Variants in ACVR1 observed in about 807,000 individuals in gnomAD.
The protein encoded by ACVR1 is activin A receptor type 1.
A neutral mutation model predicts 57.1 loss-of-function variants in ACVR1; 38 were observed. That is an observed-to-expected ratio of 0.67 (90% CI 0.51 to 0.87). ACVR1 has a LOEUF of 0.87. ACVR1 is among the 40% of genes least tolerant of loss of function. The pLI is 0.00. For missense variants in ACVR1, 463 were observed against 638.2 expected (o/e 0.73, Z 2.96); for synonymous variants, 212 against 228.1 (o/e 0.93, Z 0.63).
chr2:157,865,041 G>A (rs1374782353), intron 1 of ACVR1, among the ~76,000 whole-genome samples: 2 of 142,520 alleles, frequency 1.4e-5, no homozygotes, highest in Non-Finnish European at 3.0e-5. Flanking sequence ...TCAAAGTAAA[G>A]CTGTGCTTAG....
chr2:157,774,292 G>A (rs533382209), intron 5 of ACVR1, 105 bp from the exon 6 acceptor site: 178 of 844,164 alleles, frequency 2.1e-4, no homozygotes, highest in Non-Finnish European at 3.0e-4. Flanking sequence ...GCAGCAATCC[G>A]GGACACGTGG....
chr2:157,802,753 A>G (rs1687373085), intron 2 of ACVR1, among the ~76,000 whole-genome samples: 1 of 152,132 alleles, frequency 6.6e-6, no homozygotes, highest in African/African-American at 2.4e-5. Flanking sequence ...AAATCATCCT[A>G]ATTAATAATT....
intron 1 of ACVR1, chr2:157,819,344 G>A (rs1688070141): frequency 6.6e-6 from 1 of 152,046 alleles, no homozygotes; most frequent in Non-Finnish European, 1.5e-5. Flanking sequence ...GCTGGGTATG[G>A]TGGCGTATTC....
intron 2 of ACVR1, among the ~76,000 whole-genome samples, chr2:157,810,375 A>G (rs1327045580): frequency 6.6e-6 from 1 of 152,198 alleles, no homozygotes; most frequent in Non-Finnish European, 1.5e-5. Context: ...GGTGGCAGGG[A>G]GGGGTCCCTG....
intron 1 of ACVR1, among the ~76,000 whole-genome samples, chr2:157,873,554 C>T (rs1690182353): frequency 1.3e-5 from 2 of 152,320 alleles, no homozygotes; most frequent in African/African-American, 4.8e-5. Context: ...AAGCCACAGA[C>T]TACAGCTCCC....
At chr2:157,843,829 T>C (rs934406136) in intron 1 of ACVR1, among the ~76,000 whole-genome samples, 71 of 152,158 alleles carry the variant, frequency 4.7e-4, no homozygotes, top group African/African-American at 1.7e-3. Flanking sequence ...AATATGAGCC[T>C]GAACATACCA....
intron 6 of ACVR1, among the ~76,000 whole-genome samples, 155 bp from the exon 7 acceptor site, chr2:157,770,669 A>AT (rs974392404): frequency 8.6e-5 from 13 of 152,026 alleles, no homozygotes; most frequent in Admixed American, 5.2e-4. Context: ...CACAACCTTT[A>AT]TTTTTTATTT....
chr2:157,744,848 T>C (rs1684906485), intron 9 of ACVR1, among the ~76,000 whole-genome samples: 1 of 152,236 alleles, frequency 6.6e-6, no homozygotes, highest in Non-Finnish European at 1.5e-5. Flanking sequence ...TTCTGGCCGC[T>C]TGGCCCGGCC....
intron 3 of ACVR1, 37 bp downstream of exon 3, chr2:157,799,390 A>G: frequency 6.6e-7 from 1 of 1,509,116 alleles, no homozygotes; most frequent in Non-Finnish European, 9.2e-7. Flanking sequence ...AAATCACAGT[A>G]TACTTATCTT....
At chr2:157,745,672 A>AACAAAAAAACTGAAATTAATGAAT (rs1411040185) in intron 9 of ACVR1, among the ~76,000 whole-genome samples, 1 of 152,232 alleles carries the variant, frequency 6.6e-6, no homozygotes, top group African/African-American at 2.4e-5. Flanking sequence ...TGTTAAAACA[A>AACAAAAAAACTGAAATTAATGAAT]ACAAAAAAAC....
At chr2:157,869,724 CATAAT>C (rs1484284020) in intron 1 of ACVR1, among the ~76,000 whole-genome samples, 3 of 152,168 alleles carry the variant, frequency 2.0e-5, no homozygotes, top group African/African-American at 7.2e-5. Flanking sequence ...AGGCCATCCT[CATAAT>C]ATATTTGTTC....
At chr2:157,817,015 A>C (rs912583390) in intron 2 of ACVR1, among the ~76,000 whole-genome samples, 1 of 151,628 alleles carries the variant, frequency 6.6e-6, no homozygotes, top group Admixed American at 6.6e-5. Flanking sequence ...TCTGGGCTGC[A>C]GTGGTGCAAT....
intron 1 of ACVR1, among the ~76,000 whole-genome samples, chr2:157,846,816 G>A (rs1023912663): frequency 6.6e-6 from 1 of 152,104 alleles, no homozygotes; most frequent in Non-Finnish European, 1.5e-5. Flanking sequence ...AAAGAAAAAA[G>A]AAAAGAATAA....
intron 9 of ACVR1, among the ~76,000 whole-genome samples, chr2:157,746,155 A>C (rs1482213424): frequency 6.6e-6 from 1 of 152,096 alleles, no homozygotes; most frequent in African/African-American, 2.4e-5. Flanking sequence ...GAGGTAGCAA[A>C]ACAAGAGGCA....
chr2:157,755,924 G>C (rs1313724735), intron 9 of ACVR1, among the ~76,000 whole-genome samples: 1 of 152,100 alleles, frequency 6.6e-6, no homozygotes, highest in Non-Finnish European at 1.5e-5. Context: ...ATACTGTAAG[G>C]CCACAGTCAC....
chr2:157,753,522 C>T (rs1019581241), intron 9 of ACVR1, among the ~76,000 whole-genome samples: 1 of 151,702 alleles, frequency 6.6e-6, no homozygotes, highest in African/African-American at 2.4e-5. Flanking sequence ...AGCGAGAATC[C>T]ATCTCAAAAA....
chr2:157,776,003 A>T (rs919008448), intron 5 of ACVR1, among the ~76,000 whole-genome samples: 2 of 152,198 alleles, frequency 1.3e-5, no homozygotes, highest in African/African-American at 2.4e-5. Flanking sequence ...GACTGCAGGC[A>T]TGAGCCACCA....
chr2:157,830,214 G>T (rs534041968), intron 1 of ACVR1, among the ~76,000 whole-genome samples: 1 of 152,108 alleles, frequency 6.6e-6, no homozygotes, highest in Admixed American at 6.5e-5. Flanking sequence ...AGCAAACTCC[G>T]TCTCAAAATA....
intron 1 of ACVR1, among the ~76,000 whole-genome samples, chr2:157,823,618 C>A (rs775034528): frequency 6.6e-6 from 1 of 152,112 alleles, no homozygotes; most frequent in Non-Finnish European, 1.5e-5. Context: ...ATTAGAGCAC[C>A]TTTCTCCTCC....
Sources: gnomAD v4.1 joint callset for allele counts (sites outside exome capture counted in the v4.1 genomes callset) on GRCh38, gnomAD v4.1.1 for gene constraint, MANE v1.5 for transcripts, NCBI Gene and HGNC (gene_info 2026-07-23, HGNC 2026-07-21) for gene names.